Variants in C20orf96 observed in about 807,000 individuals in gnomAD.
C20orf96 encodes chromosome 20 open reading frame 96, also known as uncharacterized protein C20orf96.
Under a neutral mutation model 52.6 loss-of-function variants are expected in C20orf96, and 57 were observed. That is an observed-to-expected ratio of 1.08 (90% CI 0.88 to 1.35). C20orf96 has a LOEUF of 1.35. C20orf96 is among the 40% of genes most tolerant of loss of function. C20orf96 has a pLI of 0.00. For synonymous variants in C20orf96, 168 were observed against 157.2 expected (o/e 1.07, Z -0.51); for missense variants, 478 against 443.6 (o/e 1.08, Z -0.70).
chr20:290,528 T>C, intron 1 of C20orf96, 63 bp downstream of exon 1: 2 of 1,543,270 alleles, frequency 1.3e-6, no homozygotes, highest in Non-Finnish European at 1.7e-6. Context: ...AGCGGCGGGG[T>C]GTGAAGTACG....
At chr20:275,878 C>A in intron 10 of C20orf96, 90 bp downstream of exon 10, 1 of 1,243,674 alleles carries the variant, frequency 8.0e-7, no homozygotes, top group Non-Finnish European at 1.2e-6. Flanking sequence ...GTTCTGCCAT[C>A]CACACCAGGC....
chr20:279,191 T>A lies in C20orf96; in HGVS notation c.446A>T (p.Gln149Leu), dbSNP rs1568491617. The change falls in exon 5 of 11, where the codon CAG (glutamine) becomes CTG (leucine). Residue 149 changes from glutamine to leucine, a missense_variant. Transcript: ENST00000360321. ...TCTCACCGCCAGGGTGTCCTGCTGC[T>A]GCAGCAGGGCCCGCACGTGCAGGGT... ...STTLHVRALL[Q>L]QQDTLATIID... The A allele has an allele frequency of 1.9e-6, 3 of 1,601,038 alleles. No individual in the cohort carries two copies. The highest frequency in any genetic ancestry group is 1.7e-5 in the Admixed American group (1 of 59,240).
At chr20:286,812 C>A (rs6082191) in intron 3 of C20orf96, among the ~76,000 whole-genome samples, 43,907 of 151,866 alleles carry the variant, frequency 0.29, 7,750 homozygotes, top group East Asian at 0.49. Context: ...CCCCTTACCA[C>A]CCTCCTCACA....
intron 3 of C20orf96, among the ~76,000 whole-genome samples, chr20:286,334 T>C (rs1016937470): frequency 2.6e-5 from 4 of 151,762 alleles, no homozygotes; most frequent in African/African-American, 9.7e-5. Flanking sequence ...CTGGCGAACA[T>C]GGTGAAACCC....
chr20:287,932 T>G (rs13045566), intron 3 of C20orf96, among the ~76,000 whole-genome samples: 27,262 of 108,516 alleles, frequency 0.25, 4,092 homozygotes, highest in East Asian at 0.39. Context: ...AAAAAAAAAG[T>G]CTTTCACAGA....
Position 278,316 on chromosome 20 carries a change from C to A in C20orf96, c.565+14G>T, listed in dbSNP as rs2012095056. Reference sequence around the variant, plus strand: ...CCAGGGGGGAGGGTCAAGGAATTTGCCAGGGATTCTTACAGCTCATCTTGC... The same window carrying A: ...CCAGGGGGGAGGGTCAAGGAATTTGACAGGGATTCTTACAGCTCATCTTGC... On this transcript the variant is annotated intron_variant, in intron 6 of 10. Coordinates refer to ENST00000360321, the MANE Select transcript of C20orf96 (RefSeq NM_153269.3). 1 of 1,606,140 alleles carries A rather than the reference C, an allele frequency of 6.2e-7. No homozygotes were observed. The highest frequency in any genetic ancestry group is 2.2e-5 in the East Asian group (1 of 44,832).
At position 279,305 on chromosome 20, in the gene C20orf96, G is replaced by A; in HGVS notation, c.332C>T (p.Ala111Val). Residue 111 changes from alanine to valine, a missense_variant, in exon 5 of 11, where the codon GCT (alanine) becomes GTT (valine). Physicochemically the swap from Ala to Val is moderately conservative, Grantham distance 64. Transcript: ENST00000360321. ...CTCACGGCTTCGGAGCTCTCGCAGA[G>A]CGGCCCTCCCGCTCCTGAGCGAGGT... ...MKTSLRSGRA[A>V]LRELRSRENF... The A allele has an allele frequency of 6.2e-7, 1 of 1,607,706 alleles. No homozygotes were observed. The highest frequency in any genetic ancestry group is 8.5e-7 in the Non-Finnish European group (1 of 1,179,026).
chr20:283,817 G>A (rs977877044), intron 4 of C20orf96, 146 bp downstream of exon 4: 2 of 622,204 alleles, frequency 3.2e-6, no homozygotes. Flanking sequence ...TGTAAAATAG[G>A]AACAAGGATA....
chr20:276,511 T>A, intron 9 of C20orf96: 1 of 985,426 alleles, frequency 1.0e-6, no homozygotes, highest in East Asian at 1.1e-4. Context: ...GGGGTAAAGA[T>A]GCACGGTGGT....
intron 4 of C20orf96, among the ~76,000 whole-genome samples, chr20:282,225 C>G (rs2012271446): frequency 6.6e-6 from 1 of 152,146 alleles, no homozygotes; most frequent in Non-Finnish European, 1.5e-5. Flanking sequence ...CAATTACTGC[C>G]ACACTCTCCT....
intron 10 of C20orf96, among the ~76,000 whole-genome samples, chr20:271,479 CAT>C (rs978821583): frequency 1.2e-4 from 17 of 138,842 alleles, no homozygotes; most frequent in East Asian, 4.2e-4. Context: ...CACACACACA[CAT>C]ACACACACAT....
At chr20:271,443 TACACACACACACACACACAC>T (rs71191933) in intron 10 of C20orf96, among the ~76,000 whole-genome samples, 176 bp from the exon 11 acceptor site, 1 of 134,542 alleles carries the variant, frequency 7.4e-6, no homozygotes. Flanking sequence ...TACACAAGCA[TACACACACACACACACACAC>T]ACACACACAC....
intron 3 of C20orf96, among the ~76,000 whole-genome samples, chr20:289,353 T>C (rs959023940): frequency 1.8e-4 from 27 of 152,216 alleles, no homozygotes; most frequent in African/African-American, 6.3e-4. Flanking sequence ...TGAATGACCA[T>C]GTGGAACAGA....
intron 1 of C20orf96, 83 bp from the exon 2 acceptor site, chr20:290,390 T>C (rs771124552): frequency 1.5e-5 from 24 of 1,574,020 alleles, no homozygotes; most frequent in Non-Finnish European, 2.1e-5. Context: ...AGGATTGGAG[T>C]CTCGAACCAG....
At position 284,029 on chromosome 20, in the gene C20orf96, T is replaced by A. The variant is rs906929147; in HGVS notation, c.240A>T (p.Pro80=). ...TVVTSCQPKN[P]RELHRRRKLD... is the part of the protein sequence containing the mutation. ...ACTTCCGCCTTCTATGTAGTTCTCTTGGATTCTTCGGCTGGCAGCTTGTCA... is the reference window on the plus strand; with the variant it reads ...ACTTCCGCCTTCTATGTAGTTCTCTAGGATTCTTCGGCTGGCAGCTTGTCA... The change falls in exon 4 of 11, where the codon CCA becomes CCT. Residue 80 remains proline, a synonymous_variant. Transcript: ENST00000360321. 5.0e-6 allele frequency: 8 copies of A among 1,614,050 alleles called. No homozygotes were observed. In the East Asian group the frequency reaches 1.6e-4, roughly 31 times the overall value.
At chr20:274,828 AAT>A (rs2011965261) in intron 10 of C20orf96, among the ~76,000 whole-genome samples, 1 of 151,648 alleles carries the variant, frequency 6.6e-6, no homozygotes, top group Non-Finnish European at 1.5e-5. Context: ...ATTAAAAAAA[AAT>A]TTTTTTTTAG....
Position 279,284 on chromosome 20 carries a change from C to A in C20orf96, c.353G>T (p.Arg118Leu), listed in dbSNP as rs754475212. 5 of 1,609,838 alleles carry A rather than the reference C, an allele frequency of 3.1e-6. No homozygotes were observed. The highest frequency in any genetic ancestry group is 4.2e-6 in the Non-Finnish European group (5 of 1,179,112). Reference protein sequence around the residue: ...GRAALRELRSRENFLSKLNRE... With the variant: ...GRAALRELRSLENFLSKLNRE... ...GTTGAGCTTGCTGAGGAAGTTCTCA[C>A]GGCTTCGGAGCTCTCGCAGAGCGGC... is the stretch of plus-strand genomic sequence containing the variant. The change falls in exon 5 of 11, where the codon CGT (arginine) becomes CTT (leucine). Residue 118 changes from arginine to leucine, a missense_variant. Coordinates refer to ENST00000360321, the MANE Select transcript of C20orf96 (RefSeq NM_153269.3).
intron 10 of C20orf96, among the ~76,000 whole-genome samples, chr20:274,249 G>T (rs2011945274): frequency 6.6e-6 from 1 of 151,914 alleles, no homozygotes; most frequent in Non-Finnish European, 1.5e-5. Context: ...ACGTGGAAGG[G>T]CATCCATGAG....
rs764556586 is a variant in C20orf96, at chr20:275,977, C to T, written c.1022G>A (p.Arg341Gln). The stretch of plus-strand genomic sequence containing the variant: ...CAAAAAGATCACATACTTGGGTCTC[C>T]GAAGCAGAACATCCTCAAATATGAC... The part of the protein sequence containing the change: ...REVIFEDVLL[R>Q]RPKCTPDMDV... Residue 341 changes from arginine (R) to glutamine (Q), a missense_variant, in exon 10 of 11, where the codon CGG becomes CAG. Arg to Gln is a conservative substitution (Grantham distance 43). Transcript: ENST00000360321. 2.2e-5 allele frequency: 36 copies of T among 1,613,958 alleles called. No homozygotes were observed. The Admixed American group carries it at 2.7e-4, about 12-fold the overall frequency.
Sources: allele counts gnomAD v4.1 joint callset (sites outside exome capture counted in the v4.1 genomes callset), GRCh38; gene constraint gnomAD v4.1.1; transcripts MANE v1.5; gene names NCBI Gene and HGNC (gene_info 2026-07-23, HGNC 2026-07-21).